The following STK35 variants were observed in gnomAD, a reference collection of about 807,000 sequenced individuals.
The protein encoded by STK35 is serine/threonine-protein kinase 35.
A neutral mutation model predicts 37.3 loss-of-function variants in STK35; 17 were observed. The observed-to-expected ratio is 0.46, with a 90% CI of 0.31 to 0.68. STK35 has a LOEUF of 0.68. Ranked by LOEUF, STK35 falls within the 30% of genes least tolerant of loss-of-function variation. STK35 has a pLI of 0.05. For synonymous variants in STK35, 385 were observed against 319.1 expected (o/e 1.21, Z -2.20); for missense variants, 595 against 746.7 (o/e 0.80, Z 2.37).
intron 3 of STK35, among the ~76,000 whole-genome samples, chr20:2,134,575 T>G (rs1230753663): frequency 6.6e-6 from 1 of 152,192 alleles, no homozygotes; most frequent in Non-Finnish European, 1.5e-5. Context: ...AGAACCTGAA[T>G]GGTGTGTTAT....
chr20:2,107,423 C>CTT (rs1985536714), intron 2 of STK35, among the ~76,000 whole-genome samples: 2 of 152,182 alleles, frequency 1.3e-5, no homozygotes, highest in South Asian at 4.1e-4. Flanking sequence ...GGCTGGGAAC[C>CTT]GAGGCCTTGG....
Position 2,103,273 on chromosome 20 carries a change from G to C in STK35, c.800G>C (p.Cys267Ser), listed in dbSNP as rs1985443819. 1 of 1,613,010 alleles carries C rather than the reference G, an allele frequency of 6.2e-7. No homozygotes were observed. Among genetic ancestry groups the C allele is most frequent in the African/African-American group, 1.3e-5 (1 of 74,894 alleles). Residue 267 changes from cysteine (C) to serine (S), a missense_variant, in exon 2 of 4, where the codon TGC becomes TCC. By Grantham distance (112) the Cys-to-Ser change is moderately radical (BLOSUM62 -1). Transcript: ENST00000381482. The part of the protein sequence containing the change: ...RHQNVVQFEE[C>S]VLQRNGLAQR... ...CAGAACGTCGTGCAGTTTGAGGAGTGCGTCCTGCAGCGCAATGGGTTAGCC... is the reference window on the plus strand; with the variant it reads ...CAGAACGTCGTGCAGTTTGAGGAGTCCGTCCTGCAGCGCAATGGGTTAGCC...
At chr20:2,129,255 A>G (rs1252504756) in intron 3 of STK35, among the ~76,000 whole-genome samples, 1 of 152,170 alleles carries the variant, frequency 6.6e-6, no homozygotes, top group Admixed American at 6.5e-5. Flanking sequence ...TCCTCAGTCC[A>G]TGTAAACCCT....
intron 3 of STK35, among the ~76,000 whole-genome samples, chr20:2,126,155 C>G (rs1419215618): frequency 1.3e-5 from 2 of 152,222 alleles, no homozygotes; most frequent in South Asian, 4.1e-4. Flanking sequence ...CATGCTTACT[C>G]CAATTGATGT....
chr20:2,134,727 C>A (rs1568581372), intron 3 of STK35, among the ~76,000 whole-genome samples: 1 of 152,050 alleles, frequency 6.6e-6, no homozygotes, highest in Non-Finnish European at 1.5e-5. Context: ...CCCATCTCTA[C>A]TAAAAATACA....
rs985428061 is a variant in STK35 at position 2,144,315 on chromosome 20, ACTC to A, written c.*572_*574del. On this transcript the variant is annotated 3_prime_UTR_variant, in exon 4 of 4. Coordinates refer to ENST00000381482, the MANE Select transcript of STK35 (RefSeq NM_080836.4). ...CCCTACCAGATGCAGGAACTCCTGG[ACTC>A]CTTGGTGGGCTGGCCCTGGCTAGCC... is the stretch of plus-strand genomic sequence containing the variant. The A allele has an allele frequency of 5.5e-6, 1 of 183,400 alleles. No individual in the cohort carries two copies. The highest frequency in any genetic ancestry group is 2.4e-5 in the African/African-American group (1 of 41,452). 11.4% of individuals were successfully genotyped at this position (183,400 alleles called of 1,614,324 possible).
chr20:2,119,339 C>G (rs6137041), intron 3 of STK35, among the ~76,000 whole-genome samples: 12 of 152,126 alleles, frequency 7.9e-5, no homozygotes, highest in Admixed American at 4.6e-4. Flanking sequence ...CAGGGAGAGC[C>G]TGGCACATTT....
intron 2 of STK35, among the ~76,000 whole-genome samples, chr20:2,104,195 T>TA (rs1985468876): frequency 6.6e-6 from 1 of 152,170 alleles, no homozygotes. Flanking sequence ...TCATCCTAAC[T>TA]ACTCAGTACT....
Position 2,144,278 on chromosome 20 carries a change from T to C in STK35, c.*532T>C, listed in dbSNP as rs1986220984. ...GGGCGTGAGGACACAAGGAGGCCTC[T>C]GGGCCACGCCTCCCTACCAGATGCA... On this transcript the variant is annotated 3_prime_UTR_variant, in exon 4 of 4. Transcript: ENST00000381482. 1 of 209,376 alleles carries C rather than the reference T, an allele frequency of 4.8e-6. No individual in the cohort carries two copies. The highest frequency in any genetic ancestry group is 6.4e-5 in the South Asian group (1 of 15,676). 13.0% of individuals were successfully genotyped at this position (209,376 alleles called of 1,614,324 possible).
intron 3 of STK35, among the ~76,000 whole-genome samples, chr20:2,133,903 G>A (rs1384274581): frequency 1.3e-5 from 2 of 152,160 alleles, no homozygotes; most frequent in Admixed American, 1.3e-4. Context: ...GCAGCAGCAT[G>A]CTGTCTCGGC....
chr20:2,128,671 T>C (rs1170794412), intron 3 of STK35, among the ~76,000 whole-genome samples: 2 of 152,068 alleles, frequency 1.3e-5, no homozygotes, highest in Non-Finnish European at 1.5e-5. Flanking sequence ...TAATGATGAA[T>C]GTCTCAAGGT....
chr20:2,133,083 A>C (rs1241493947), intron 3 of STK35, among the ~76,000 whole-genome samples: 1 of 152,114 alleles, frequency 6.6e-6, no homozygotes, highest in South Asian at 2.1e-4. Context: ...GAGATCTCCA[A>C]ACCCCTTAGC....
intron 3 of STK35, among the ~76,000 whole-genome samples, chr20:2,139,111 G>A (rs1718324732): frequency 6.6e-6 from 1 of 152,158 alleles, no homozygotes; most frequent in South Asian, 2.1e-4. Context: ...AATCACCAAG[G>A]TATTCTGTGC....
intron 3 of STK35, among the ~76,000 whole-genome samples, chr20:2,135,411 G>A (rs1054580507): frequency 2.0e-5 from 3 of 152,336 alleles, no homozygotes; most frequent in Non-Finnish European, 2.9e-5. Flanking sequence ...CAATCCATGT[G>A]TTTTGAATGT....
At chr20:2,125,709 G>A (rs6112930) in intron 3 of STK35, among the ~76,000 whole-genome samples, 48,427 of 152,214 alleles carry the variant, frequency 0.32, 8,197 homozygotes, top group Non-Finnish European at 0.39. Context: ...GATTCCTCCT[G>A]TGTTACAATG....
At chr20:2,134,508 A>G (rs1403987991) in intron 3 of STK35, among the ~76,000 whole-genome samples, 1 of 152,150 alleles carries the variant, frequency 6.6e-6, no homozygotes, top group South Asian at 2.1e-4. Context: ...TGCCTTAATA[A>G]ATAAGGGGCC....
At chr20:2,142,069 A>T (rs1265760226) in intron 3 of STK35, among the ~76,000 whole-genome samples, 1 of 152,204 alleles carries the variant, frequency 6.6e-6, no homozygotes, top group Non-Finnish European at 1.5e-5. Flanking sequence ...CCCCTCCTCC[A>T]GCAGTGTGCG....
chr20:2,123,197 G>A (rs1985848719), intron 3 of STK35, among the ~76,000 whole-genome samples: 1 of 152,148 alleles, frequency 6.6e-6, no homozygotes, highest in Non-Finnish European at 1.5e-5. Context: ...TTTTGGAGTG[G>A]GCAGCTAAGG....
chr20:2,124,423 C>G (rs1016607449), intron 3 of STK35, among the ~76,000 whole-genome samples: 4 of 152,062 alleles, frequency 2.6e-5, no homozygotes, highest in Non-Finnish European at 5.9e-5. Context: ...TTTGGTGGAG[C>G]CTTGAATTTC....
Sources: allele counts gnomAD v4.1 joint callset (sites outside exome capture counted in the v4.1 genomes callset), GRCh38; gene constraint gnomAD v4.1.1; transcripts MANE v1.5; gene names NCBI Gene and HGNC (gene_info 2026-07-23, HGNC 2026-07-21).